The following SPA17 variants were observed in gnomAD, a reference collection of about 807,000 sequenced individuals.
The protein encoded by SPA17 is sperm autoantigenic protein 17.
In SPA17, 7 loss-of-function variants were observed where a neutral mutation model predicts 13.8. That is an observed-to-expected ratio of 0.51 (90% CI 0.29 to 0.95). SPA17 has a LOEUF of 0.95. SPA17 is among the 40% of genes least tolerant of loss of function. The pLI, the probability that SPA17 is intolerant of heterozygous loss-of-function variation, is 0.08. For synonymous variants in SPA17, 61 were observed against 59.0 expected (o/e 1.03, Z -0.16); for missense variants, 170 against 179.3 (o/e 0.95, Z 0.30).
At chr11:124,681,609 TTATTTTA>T in intron 3 of SPA17, 150 bp downstream of exon 3, 1 of 280,816 alleles carries the variant, frequency 3.6e-6, no homozygotes, top group Non-Finnish European at 6.4e-6. Context: ...TTAATAAATC[TTATTTTA>T]TTAAAAAGAT....
chr11:124,690,198 T>G (rs1319466030), intron 3 of SPA17, among the ~76,000 whole-genome samples: 1 of 152,176 alleles, frequency 6.6e-6, no homozygotes, highest in Non-Finnish European at 1.5e-5. Context: ...ATAGCAAAGA[T>G]ATTGAATCAA....
chr11:124,683,464 CAAT>C lies in SPA17; in HGVS notation c.225+2011_225+2013del, dbSNP rs547356392. On this transcript the variant is annotated intron_variant, in intron 3 of 4. Coordinates refer to ENST00000227135, the MANE Select transcript of SPA17 (RefSeq NM_017425.4). ...ACAAAAGGAACAAAACTCCACATAT[CAAT>C]AATAACTTTAAACATATATGGATTA... 1.9e-4 allele frequency among the ~76,000 whole-genome samples: 28 copies of C among 149,598 alleles called. No individual in the cohort carries two copies. The South Asian group carries it at 5.3e-3, about 28-fold the overall frequency.
chr11:124,676,796 T>C (rs776229526), intron 2 of SPA17, among the ~76,000 whole-genome samples: 1 of 152,216 alleles, frequency 6.6e-6, no homozygotes, highest in Non-Finnish European at 1.5e-5. Context: ...GGCATTATGC[T>C]GATTACCTTG....
At chr11:124,675,503 CT>C (rs1318698236) in intron 2 of SPA17, 85 bp downstream of exon 2, 2 of 1,448,898 alleles carry the variant, frequency 1.4e-6, no homozygotes, top group African/African-American at 1.4e-5. Flanking sequence ...CATCTCCATT[CT>C]GCAGAAAGCC....
intron 2 of SPA17, among the ~76,000 whole-genome samples, chr11:124,680,379 A>G (rs972607549): frequency 1.3e-5 from 2 of 152,220 alleles, no homozygotes; most frequent in Non-Finnish European, 1.5e-5. Context: ...ACTTGTTAAA[A>G]GCCACCATGG....
At chr11:124,681,516 C>A in intron 3 of SPA17, 57 bp downstream of exon 3, 2 of 1,336,786 alleles carry the variant, frequency 1.5e-6, no homozygotes, top group Non-Finnish European at 2.0e-6. Context: ...CTACAGCTAG[C>A]AATTATTAGG....
chr11:124,693,902 A>C (rs1943647395), intron 4 of SPA17, among the ~76,000 whole-genome samples: 1 of 152,194 alleles, frequency 6.6e-6, no homozygotes, highest in Admixed American at 6.5e-5. Context: ...AAGTTATTCT[A>C]ATTCATTATA....
At chr11:124,690,061 G>T (rs193205606) in intron 3 of SPA17, among the ~76,000 whole-genome samples, 1 of 152,192 alleles carries the variant, frequency 6.6e-6, no homozygotes, top group African/African-American at 2.4e-5. Context: ...TGGAGATTTC[G>T]CAAATAACTA....
intron 3 of SPA17, among the ~76,000 whole-genome samples, chr11:124,682,121 T>C (rs535236343): frequency 8.5e-5 from 13 of 152,268 alleles, no homozygotes; most frequent in East Asian, 3.9e-4. Flanking sequence ...ACTAATTGCA[T>C]GTAAGGAATC....
intron 3 of SPA17, among the ~76,000 whole-genome samples, chr11:124,681,960 C>G (rs1211423973): frequency 6.6e-6 from 1 of 152,102 alleles, no homozygotes; most frequent in East Asian, 1.9e-4. Context: ...ATTATTGATA[C>G]AAAAGACCGG....
chr11:124,680,487 C>A (rs1451583601), intron 2 of SPA17, among the ~76,000 whole-genome samples: 1 of 152,140 alleles, frequency 6.6e-6, no homozygotes, highest in Admixed American at 6.6e-5. Context: ...GGGCTGGGGG[C>A]TCTTCCTTTA....
intron 1 of SPA17, chr11:124,674,966 G>C: frequency 4.7e-6 from 1 of 213,834 alleles, no homozygotes; most frequent in Non-Finnish European, 9.2e-6. Flanking sequence ...GCATATAAAG[G>C]GTAAAGAGAG....
chr11:124,678,105 G>C (rs536019510), intron 2 of SPA17, among the ~76,000 whole-genome samples: 3 of 152,166 alleles, frequency 2.0e-5, no homozygotes, highest in Non-Finnish European at 4.4e-5. Flanking sequence ...TTGACCCGGA[G>C]GTGCCACTTC....
In SPA17 at chr11:124,675,330, G is replaced by T. The variant is rs376743796; in HGVS notation, c.66G>T (p.Gly22=). The change falls in exon 2 of 5, where the codon GGG becomes GGT. Residue 22 remains glycine (G), a synonymous_variant. Transcript: ENST00000227135. The stretch of plus-strand genomic sequence containing the variant: ...AAGGATTTGGGAATCTTCTTGAAGG[G>T]CTGACACGCGAGATTCTGAGAGAGC... ...IPQGFGNLLE[G]LTREILREQP... 163 of 1,614,070 alleles carry T rather than the reference G, an allele frequency of 1.0e-4. No individual in the cohort carries two copies. The highest frequency in any genetic ancestry group is 1.6e-4 in the Middle Eastern group (1 of 6,084).
chr11:124,693,629 G>C (rs1460824944), intron 4 of SPA17, among the ~76,000 whole-genome samples: 2 of 152,036 alleles, frequency 1.3e-5, no homozygotes, highest in African/African-American at 4.8e-5. Flanking sequence ...AGTGACATTT[G>C]AGTTTTTAAA....
rs904719110 is a variant in SPA17, at chr11:124,675,528, G to T, written c.154+110G>T. On this transcript the variant is annotated intron_variant, in intron 2 of 4. Coordinates refer to ENST00000227135, the MANE Select transcript of SPA17 (RefSeq NM_017425.4). ...CTGCAGAAAGCCTTTTATGAGGCAGGGAGTTTCAGATAACAGTTCTTGCTC... is the reference window on the plus strand; with the variant it reads ...CTGCAGAAAGCCTTTTATGAGGCAGTGAGTTTCAGATAACAGTTCTTGCTC... 9 of 1,191,628 alleles carry T rather than the reference G, an allele frequency of 7.6e-6. No homozygotes were observed. The African/African-American group carries it at 1.2e-4, about 16-fold the overall frequency. 73.8% of individuals were successfully genotyped at this position (1,191,628 alleles called of 1,614,324 possible).
rs1943677212 is a variant in SPA17, at chr11:124,696,722, T to C, written c.*2276T>C. On this transcript the variant is annotated 3_prime_UTR_variant, in exon 5 of 5. Transcript: ENST00000227135. The stretch of plus-strand genomic sequence containing the variant: ...CCTTAGGCTCAGTCTTTCGACCCCA[T>C]TTCTACACTCACTTGATTTCCTGCA... 1 of 152,144 alleles carries C rather than the reference T, an allele frequency of 6.6e-6. No individual in the cohort carries two copies. The highest frequency in any genetic ancestry group is 1.5e-5 in the Non-Finnish European group (1 of 68,040). 9.4% of individuals were successfully genotyped at this position (152,144 alleles called of 1,614,324 possible).
Position 124,695,357 on chromosome 11 carries a change from T to C in SPA17, c.*911T>C, listed in dbSNP as rs1441553398. The C allele has an allele frequency of 6.6e-6, 1 of 152,250 alleles. No homozygotes were observed. The highest frequency in any genetic ancestry group is 6.5e-5 in the Admixed American group (1 of 15,286). The allele number at this position is 152,250 out of a possible 1,614,324, so 9.4% of individuals were successfully genotyped here. ...AAAAGCAAAAGCTATCATATCATGC[T>C]GCCTTCTTCAGTTAAAACTTCCCAA... On this transcript the variant is annotated 3_prime_UTR_variant, in exon 5 of 5. Coordinates refer to ENST00000227135, the MANE Select transcript of SPA17 (RefSeq NM_017425.4).
chr11:124,678,066 C>A (rs2134407882), intron 2 of SPA17, among the ~76,000 whole-genome samples: 1 of 152,038 alleles, frequency 6.6e-6, no homozygotes, highest in East Asian at 2.0e-4. Context: ...CTTAGCAATA[C>A]CTACCAAAAT....
Sources: allele counts gnomAD v4.1 joint callset (sites outside exome capture counted in the v4.1 genomes callset), GRCh38; gene constraint gnomAD v4.1.1; transcripts MANE v1.5; gene names NCBI Gene and HGNC (gene_info 2026-07-23, HGNC 2026-07-21).